The following CTNNA3 variants were observed in gnomAD, a reference collection of about 807,000 sequenced individuals.
CTNNA3 encodes the protein catenin alpha 3.
A neutral mutation model predicts 95.7 loss-of-function variants in CTNNA3; 76 were observed. That is an observed-to-expected ratio of 0.79 (90% confidence interval 0.66 to 0.96). The LOEUF is 0.96. CTNNA3 is among the 40% of genes least tolerant of loss of function. CTNNA3 has a pLI of 0.00. For synonymous variants in CTNNA3, 431 were observed against 374.4 expected (o/e 1.15, Z -1.74); for missense variants, 1,191 against 1,089.8 (o/e 1.09, Z -1.31).
intron 9 of CTNNA3, among the ~76,000 whole-genome samples, chr10:66,760,009 G>A (rs1341624604): frequency 6.6e-6 from 1 of 151,796 alleles, no homozygotes; most frequent in East Asian, 1.9e-4. Flanking sequence ...TTAAGTCCTG[G>A]GGCACTTGCT....
chr10:67,658,929 T>C (rs1217525868), intron 1 of CTNNA3, among the ~76,000 whole-genome samples: 2 of 152,206 alleles, frequency 1.3e-5, no homozygotes, highest in Non-Finnish European at 2.9e-5. Flanking sequence ...AGCCATCTTA[T>C]TGATGTTTTT....
intron 1 of CTNNA3, among the ~76,000 whole-genome samples, chr10:67,712,505 C>T (rs553148271): frequency 1.3e-5 from 2 of 152,326 alleles, no homozygotes; most frequent in African/African-American, 4.8e-5. Flanking sequence ...AGCCTAGGGA[C>T]TTGGTGCCTT....
chr10:67,230,103 G>A lies in CTNNA3; in HGVS notation c.580-10233C>T, dbSNP rs185061764. ...AAGGCCATAGACATGAAAACAGAGTGGTACTGGTATAAAAATAGGCACATA... is the reference window on the plus strand; with the variant it reads ...AAGGCCATAGACATGAAAACAGAGTAGTACTGGTATAAAAATAGGCACATA... On this transcript the variant is annotated intron_variant, in intron 5 of 17. Coordinates refer to ENST00000433211, the MANE Select transcript of CTNNA3 (RefSeq NM_013266.4). Among the ~76,000 whole-genome samples the A allele has an allele frequency of 2.2e-3, 330 of 152,234 alleles. 1 individual carries two copies. The highest frequency in any genetic ancestry group is 3.9e-3 in the Non-Finnish European group (264 of 68,020).
chr10:67,572,523 T>C (rs1842012307), intron 3 of CTNNA3, among the ~76,000 whole-genome samples: 1 of 152,202 alleles, frequency 6.6e-6, no homozygotes, highest in African/African-American at 2.4e-5. Context: ...TTGTGTGCTA[T>C]ATTGGATTTG....
At chr10:66,577,371 T>A (rs1215080027) in intron 10 of CTNNA3, among the ~76,000 whole-genome samples, 1 of 152,124 alleles carries the variant, frequency 6.6e-6, no homozygotes, top group African/African-American at 2.4e-5. Flanking sequence ...TTGCAATTAC[T>A]TTTGGGAACT....
chr10:67,099,181 T>G (rs1047968730), intron 7 of CTNNA3: 2 of 151,818 alleles, frequency 1.3e-5, no homozygotes, highest in African/African-American at 4.8e-5. Context: ...GATTATACAA[T>G]TGTATTATAA....
intron 1 of CTNNA3, among the ~76,000 whole-genome samples, chr10:67,694,768 G>A (rs1840932408): frequency 6.6e-6 from 1 of 151,860 alleles, no homozygotes. Context: ...GAAAAAAAAA[G>A]ACTAGAAGGA....
chr10:66,909,510 AAAATAAATAAATAAAT>A (rs3056543), intron 7 of CTNNA3, among the ~76,000 whole-genome samples: 2 of 150,352 alleles, frequency 1.3e-5, no homozygotes, highest in African/African-American at 2.5e-5. Flanking sequence ...ACTCCATCTC[AAAATAAATAAATAAAT>A]AAATAAATAA....
chr10:67,712,209 T>C (rs1234839095), intron 1 of CTNNA3, among the ~76,000 whole-genome samples: 1 of 152,212 alleles, frequency 6.6e-6, no homozygotes, highest in East Asian at 1.9e-4. Flanking sequence ...TTGGGTACTG[T>C]TAAAGGCATT....
At chr10:67,493,524 T>C (rs985974503) in intron 5 of CTNNA3, among the ~76,000 whole-genome samples, 4 of 147,618 alleles carry the variant, frequency 2.7e-5, no homozygotes, top group African/African-American at 1.0e-4. Context: ...ATCGCACCAC[T>C]GCACTCCAGG....
intron 14 of CTNNA3, chr10:66,085,180 T>C (rs928904701): frequency 6.6e-6 from 1 of 152,136 alleles, no homozygotes; most frequent in African/African-American, 2.4e-5. Context: ...AGAAGAAGAA[T>C]GAAATAATAT....
intron 1 of CTNNA3, among the ~76,000 whole-genome samples, chr10:67,684,414 G>GCTAGA: frequency 3.9e-5 from 6 of 152,148 alleles, no homozygotes; most frequent in Admixed American, 6.5e-5. Context: ...CAAACCTTTA[G>GCTAGA]CTAGACACAG....
intron 7 of CTNNA3, among the ~76,000 whole-genome samples, chr10:66,791,559 T>G (rs1840969479): frequency 1.3e-5 from 2 of 152,200 alleles, no homozygotes; most frequent in Admixed American, 1.3e-4. Context: ...TTAACACAGC[T>G]TGTAATGATA....
chr10:66,853,459 C>T (rs1332916676), intron 7 of CTNNA3, among the ~76,000 whole-genome samples: 2 of 152,086 alleles, frequency 1.3e-5, no homozygotes, highest in African/African-American at 4.8e-5. Flanking sequence ...CAAGCACATA[C>T]TCAACTTAAA....
intron 6 of CTNNA3, among the ~76,000 whole-genome samples, chr10:67,213,086 A>C (rs1462800368): frequency 6.6e-6 from 1 of 151,880 alleles, no homozygotes; most frequent in African/African-American, 2.4e-5. Context: ...ATTTGCTTTC[A>C]GTAAAAACTG....
intron 5 of CTNNA3, among the ~76,000 whole-genome samples, chr10:67,461,089 T>C (rs1351346826): frequency 6.6e-6 from 1 of 152,146 alleles, no homozygotes; most frequent in East Asian, 1.9e-4. Context: ...TAAAATTTAC[T>C]AGGAAAAGAG....
At chr10:67,044,366 C>T (rs1854595939) in intron 7 of CTNNA3, among the ~76,000 whole-genome samples, 1 of 152,038 alleles carries the variant, frequency 6.6e-6, no homozygotes, top group African/African-American at 2.4e-5. Flanking sequence ...TTTAAAATTA[C>T]CTGGCACTAT....
chr10:65,943,107 A>G (rs2077454237), intron 17 of CTNNA3, among the ~76,000 whole-genome samples: 1 of 147,270 alleles, frequency 6.8e-6, no homozygotes, highest in South Asian at 2.1e-4. Flanking sequence ...TCTGTGGCCC[A>G]GGCTGGAGAG....
intron 7 of CTNNA3, among the ~76,000 whole-genome samples, chr10:67,030,642 T>C (rs1853660278): frequency 6.6e-6 from 1 of 152,184 alleles, no homozygotes; most frequent in Non-Finnish European, 1.5e-5. Context: ...ATATATTTGT[T>C]TATCACCATT....
Sources: gnomAD v4.1 joint callset for allele counts (sites outside exome capture counted in the v4.1 genomes callset) on GRCh38, gnomAD v4.1.1 for gene constraint, MANE v1.5 for transcripts, NCBI Gene and HGNC (gene_info 2026-07-23, HGNC 2026-07-21) for gene names.